The following THSD7B variants were observed in gnomAD, a reference collection of about 807,000 sequenced individuals.
THSD7B encodes thrombospondin type-1 domain-containing protein 7B.
A neutral mutation model predicts 213.6 loss-of-function variants in THSD7B; 138 were observed. That is an observed-to-expected ratio of 0.65 (90% CI 0.56 to 0.74). The LOEUF is 0.74. Among genes scored for constraint, THSD7B ranks in the 30% least tolerant of loss-of-function variants. The pLI is 0.00. For synonymous variants in THSD7B, 742 were observed against 687.0 expected, an observed-to-expected ratio of 1.08 and a Z score of -1.25; for missense variants, 1,931 against 1,991.5, an observed-to-expected ratio of 0.97 and a Z score of 0.58.
intron 12 of THSD7B, among the ~76,000 whole-genome samples, chr2:137,343,621 A>C (rs954483217): frequency 2.0e-5 from 3 of 151,692 alleles, no homozygotes; most frequent in African/African-American, 7.3e-5. Flanking sequence ...GTCCCCAGAT[A>C]CTGCCACTCA....
At chr2:137,482,584 T>C (rs1439139633) in intron 15 of THSD7B, among the ~76,000 whole-genome samples, 2 of 152,210 alleles carry the variant, frequency 1.3e-5, no homozygotes, top group Admixed American at 1.3e-4. Context: ...GCATAGGTAT[T>C]CCTGGGCTTG....
At chr2:137,577,777 C>T (rs1411423566) in intron 17 of THSD7B, among the ~76,000 whole-genome samples, 1 of 152,146 alleles carries the variant, frequency 6.6e-6, no homozygotes. Context: ...CACCTAACAA[C>T]ACTTTTCTAC....
intron 17 of THSD7B, among the ~76,000 whole-genome samples, chr2:137,602,330 C>T (rs902047920): frequency 1.3e-5 from 2 of 151,852 alleles, no homozygotes; most frequent in African/African-American, 2.4e-5. Context: ...AGTGCAGTGG[C>T]GCAATCTTGG....
chr2:137,048,508 A>G (rs1687008782), intron 2 of THSD7B, among the ~76,000 whole-genome samples: 1 of 152,212 alleles, frequency 6.6e-6, no homozygotes, highest in Admixed American at 6.5e-5. Context: ...ACAGTGGTTG[A>G]TTCTTGAAGT....
At chr2:137,554,721 C>T (rs1680918990) in intron 15 of THSD7B, among the ~76,000 whole-genome samples, 1 of 152,158 alleles carries the variant, frequency 6.6e-6, no homozygotes, top group Non-Finnish European at 1.5e-5. Flanking sequence ...GGATGCAGTG[C>T]ACCGAGCGTG....
At chr2:137,448,510 T>TA (rs751354343) in intron 14 of THSD7B, among the ~76,000 whole-genome samples, 2 of 152,110 alleles carry the variant, frequency 1.3e-5, no homozygotes, top group Non-Finnish European at 2.9e-5. Context: ...TGAATGTGTT[T>TA]AAAAACTACC....
chr2:137,412,611 C>CAAA (rs1052499645), intron 14 of THSD7B, among the ~76,000 whole-genome samples: 1 of 96,914 alleles, frequency 1.0e-5, no homozygotes, highest in African/African-American at 4.0e-5. Flanking sequence ...AAAAAAAAAA[C>CAAA]AAAAAAAAAC....
chr2:137,313,841 C>G (rs1272493992), intron 12 of THSD7B, among the ~76,000 whole-genome samples: 6 of 152,182 alleles, frequency 3.9e-5, no homozygotes, highest in South Asian at 2.1e-4. Context: ...GGCCCCCGCT[C>G]TCTTCTGTCT....
chr2:137,368,613 T>C (rs1299994460), intron 12 of THSD7B, among the ~76,000 whole-genome samples: 3 of 152,196 alleles, frequency 2.0e-5, no homozygotes, highest in South Asian at 2.1e-4. Flanking sequence ...ATTATGCTAA[T>C]TTAGAAAATC....
intron 7 of THSD7B, among the ~76,000 whole-genome samples, chr2:137,194,415 A>G (rs1680720347): frequency 6.6e-6 from 1 of 152,164 alleles, no homozygotes; most frequent in Admixed American, 6.5e-5. Context: ...TGACTTAAAA[A>G]CCCACACATG....
At chr2:137,060,936 GA>G (rs1027977833) in intron 3 of THSD7B, among the ~76,000 whole-genome samples, 38 of 151,858 alleles carry the variant, frequency 2.5e-4, no homozygotes, top group African/African-American at 8.7e-4. Flanking sequence ...ATCAATTTGG[GA>G]AGAACTAATA....
intron 3 of THSD7B, among the ~76,000 whole-genome samples, chr2:137,083,959 T>A (rs981332236): frequency 6.6e-6 from 1 of 152,170 alleles, no homozygotes; most frequent in South Asian, 2.1e-4. Flanking sequence ...AACTGTAAAG[T>A]GTATTTTGGA....
At chr2:137,034,437 T>C (rs948004540) in intron 2 of THSD7B, among the ~76,000 whole-genome samples, 11 of 152,146 alleles carry the variant, frequency 7.2e-5, no homozygotes, top group Admixed American at 2.6e-4. Context: ...AAATTTTTAC[T>C]TTAGGTTTTG....
chr2:137,137,428 A>G (rs1679487719), intron 5 of THSD7B, among the ~76,000 whole-genome samples: 1 of 152,186 alleles, frequency 6.6e-6, no homozygotes, highest in Admixed American at 6.5e-5. Context: ...TCAATGACAA[A>G]CCACAAATGA....
At chr2:137,150,253 A>T (rs930911353) in intron 5 of THSD7B, among the ~76,000 whole-genome samples, 1 of 151,380 alleles carries the variant, frequency 6.6e-6, no homozygotes, top group Non-Finnish European at 1.5e-5. Flanking sequence ...AAAAAAAAAA[A>T]AAAAGAAAAA....
chr2:137,380,496 C>T (rs769085812), intron 12 of THSD7B, among the ~76,000 whole-genome samples: 1 of 152,110 alleles, frequency 6.6e-6, no homozygotes. Flanking sequence ...AACAATTGAA[C>T]TGCAATAGTT....
intron 5 of THSD7B, among the ~76,000 whole-genome samples, chr2:137,131,449 T>G (rs1416796213): frequency 6.6e-6 from 1 of 152,214 alleles, no homozygotes; most frequent in Non-Finnish European, 1.5e-5. Context: ...CATGAAGTCC[T>G]TGCCCATGCC....
chr2:136,808,718 T>C (rs1329988584), intron 1 of THSD7B, among the ~76,000 whole-genome samples: 1 of 152,246 alleles, frequency 6.6e-6, no homozygotes, highest in Non-Finnish European at 1.5e-5. Flanking sequence ...CTTAGGAATA[T>C]CTAAATTTAA....
At chr2:137,368,414 G>C (rs374824873) in intron 12 of THSD7B, among the ~76,000 whole-genome samples, 1 of 150,736 alleles carries the variant, frequency 6.6e-6, no homozygotes, top group African/African-American at 2.4e-5. Flanking sequence ...AAGTCTTTTG[G>C]TTTCTCCTAG....
Sources: gnomAD v4.1 joint callset for allele counts (sites outside exome capture counted in the v4.1 genomes callset) on GRCh38, gnomAD v4.1.1 for gene constraint, MANE v1.5 for transcripts, NCBI Gene and HGNC (gene_info 2026-07-23, HGNC 2026-07-21) for gene names.